PEX1: variants seen among roughly 807,000 people sequenced by gnomAD.
PEX1 encodes the protein peroxisomal ATPase PEX1.
PEX1 carries 97 observed loss-of-function variants against 152.5 expected under a neutral mutation model. That is an observed-to-expected ratio of 0.64 (90% CI 0.54 to 0.75). PEX1 has a LOEUF of 0.75. Among genes scored for constraint, PEX1 ranks in the 30% least tolerant of loss-of-function variants. PEX1 has a pLI of 0.00. For missense variants in PEX1, 1,357 were observed against 1,516.3 expected (o/e 0.89, Z 1.74); for synonymous variants, 485 against 531.6 (o/e 0.91, Z 1.21).
rs200950057 is a variant in PEX1 at position 92,522,216 on chromosome 7, G to A, written c.159C>T (p.His53=). ...CCACCCAGCTCAAGAATGCAGGCTG[G>A]TGACTCCAGACCACTTCTATAGCTT... ...QNQAIEVVWS[H]QPAFLSWVEG... Residue 53 remains histidine, a synonymous_variant, in exon 2 of 24, where the codon CAC becomes CAT. Coordinates refer to ENST00000248633, the MANE Select transcript of PEX1 (RefSeq NM_000466.3). The A allele has an allele frequency of 2.5e-5, 40 of 1,614,060 alleles. No individual in the cohort carries two copies. In the African/African-American group the frequency reaches 4.5e-4, roughly 18 times the overall value.
chr7:92,491,559 A>G, intron 20 of PEX1, 57 bp from the exon 21 acceptor site: 1 of 1,015,690 alleles, frequency 9.8e-7, no homozygotes, highest in South Asian at 1.3e-5. Context: ...AGTCTCAGAA[A>G]TAAATAATAA....
At chr7:92,511,365 T>C (rs1278055493) in intron 7 of PEX1, among the ~76,000 whole-genome samples, 1 of 152,206 alleles carries the variant, frequency 6.6e-6, no homozygotes, top group African/African-American at 2.4e-5. Flanking sequence ...CCTCAAGTGA[T>C]CCGCCTGCCT....
Position 92,494,470 on chromosome 7 carries a change from GTATT to G in PEX1, c.2926+13_2926+16del. 1 of 1,612,482 alleles carries G rather than the reference GTATT, an allele frequency of 6.2e-7. No homozygotes were observed. Among genetic ancestry groups the G allele is most frequent in the Non-Finnish European group, 8.5e-7 (1 of 1,178,632 alleles). On this transcript the variant is annotated intron_variant, in intron 18 of 23. Transcript: ENST00000248633. ...CATTTTGTTATAACATTCTATTTCT[GTATT>G]TATAATTATTACCCTGTAAGCCTTC... is the stretch of plus-strand genomic sequence containing the variant.
rs1790958930 is a variant in PEX1, at chr7:92,487,059, TGAA to T, written c.*395_*397del. 6.5e-6 allele frequency: 1 copy of T among 154,696 alleles called. No individual in the cohort carries two copies. The highest frequency in any genetic ancestry group is 2.4e-5 in the African/African-American group (1 of 41,516). The allele number at this position is 154,696 out of a possible 1,614,324, so 9.6% of individuals were successfully genotyped here. On this transcript the variant is annotated 3_prime_UTR_variant, in exon 24 of 24. Transcript: ENST00000248633. ...AATAGGATATTTTATTTCAAAACAGTGAAGAAGCTGCTAAGCATAAAATTTGTC... is the reference window on the plus strand; with the variant it reads ...AATAGGATATTTTATTTCAAAACAGTGAAGCTGCTAAGCATAAAATTTGTC...
chr7:92,500,580 AT>A (rs1386429440), intron 15 of PEX1, among the ~76,000 whole-genome samples: 1 of 152,218 alleles, frequency 6.6e-6, no homozygotes, highest in African/African-American at 2.4e-5. Context: ...TAGTACTTCC[AT>A]ACCCATGTTC....
intron 9 of PEX1, 163 bp from the exon 10 acceptor site, chr7:92,507,289 A>G (rs1792242525): frequency 1.7e-6 from 1 of 603,548 alleles, no homozygotes; most frequent in Non-Finnish European, 2.8e-6. Context: ...TCCAGGCTGG[A>G]GCGCAGTGGT....
Position 92,517,559 on chromosome 7 carries a change from T to C in PEX1, c.956A>G (p.Gln319Arg). 1 of 1,614,130 alleles carries C rather than the reference T, an allele frequency of 6.2e-7. No individual in the cohort carries two copies. The highest frequency in any genetic ancestry group is 8.5e-7 in the Non-Finnish European group (1 of 1,180,004). Residue 319 changes from glutamine (Q) to arginine (R), a missense_variant, in exon 5 of 24, where the codon CAG (glutamine) becomes CGG (arginine). By Grantham distance (43) the Gln-to-Arg change is conservative (BLOSUM62 1). Coordinates refer to ENST00000248633, the MANE Select transcript of PEX1 (RefSeq NM_000466.3). ...HCAIHVFPWD[Q>R]EYFDVEPSFT... is the part of the protein sequence containing the mutation. ...GCTGGGCTCTACATCAAAATATTCC[T>C]GGTCCCATGGAAATACATGAATGGC... is the stretch of plus-strand genomic sequence containing the variant.
chr7:92,491,369 G>A lies in PEX1; in HGVS notation c.3341C>T (p.Ser1114Phe), dbSNP rs1791303972. ...LDQSLVSLEMSEILPDESKFN... is the reference protein window; with the variant it reads ...LDQSLVSLEMFEILPDESKFN... ...TTTTGATTCATCTGGAAGGATCTCGGACATCTCTAAAGAAACAAGGGACTG... is the reference window on the plus strand; with the variant it reads ...TTTTGATTCATCTGGAAGGATCTCGAACATCTCTAAAGAAACAAGGGACTG... Residue 1114 changes from serine to phenylalanine, a missense_variant, in exon 21 of 24, where the codon TCC becomes TTC. Transcript: ENST00000248633. 6.2e-7 allele frequency: 1 copy of A among 1,613,650 alleles called. No individual in the cohort carries two copies. The highest frequency in any genetic ancestry group is 1.7e-5 in the Admixed American group (1 of 59,984).
chr7:92,524,565 C>G (rs954970735), intron 1 of PEX1, among the ~76,000 whole-genome samples: 1 of 152,178 alleles, frequency 6.6e-6, no homozygotes, highest in Non-Finnish European at 1.5e-5. Context: ...CCATAGCCAG[C>G]TTATGTTTCT....
intron 21 of PEX1, 30 bp downstream of exon 21, chr7:92,491,242 G>T: frequency 7.2e-7 from 1 of 1,381,116 alleles, no homozygotes. Flanking sequence ...TTATATTTCA[G>T]AACTGTATAA....
rs1257924080 is a variant in PEX1, at chr7:92,487,401, A to C, written c.*56T>G. On this transcript the variant is annotated 3_prime_UTR_variant, in exon 24 of 24. Transcript: ENST00000248633. ...TAGACACCATTTTTTTCCTGTTACA[A>C]CATATGGAAAAGCCATCAAAAAACT... The C allele has an allele frequency of 4.5e-6, 4 of 898,260 alleles. No individual in the cohort carries two copies. Among genetic ancestry groups the C allele is most frequent in the Admixed American group, 2.0e-5 (1 of 48,940 alleles). 55.6% of individuals were successfully genotyped at this position (898,260 alleles called of 1,614,324 possible).
chr7:92,527,926 C>A (rs545111189), intron 1 of PEX1, among the ~76,000 whole-genome samples: 1 of 152,258 alleles, frequency 6.6e-6, no homozygotes, highest in African/African-American at 2.4e-5. Flanking sequence ...GTCCCGCTCT[C>A]GCGGCCCGGA....
chr7:92,521,770 A>G (rs1477487650), intron 2 of PEX1, among the ~76,000 whole-genome samples: 1 of 152,220 alleles, frequency 6.6e-6, no homozygotes, highest in East Asian at 1.9e-4. Context: ...GAGACCATGG[A>G]AGGTTATAAA....
intron 21 of PEX1, 134 bp from the exon 22 acceptor site, chr7:92,490,045 T>G: frequency 1.3e-6 from 1 of 747,508 alleles, no homozygotes; most frequent in Non-Finnish European, 2.3e-6. Flanking sequence ...GTTAATTAAC[T>G]GAAATTAAGC....
At position 92,487,446 on chromosome 7, in the gene PEX1, A is replaced by C; in HGVS notation, c.*11T>G. The C allele has an allele frequency of 6.9e-7, 1 of 1,456,876 alleles. No homozygotes were observed. Among genetic ancestry groups the C allele is most frequent in the Non-Finnish European group, 9.6e-7 (1 of 1,044,686 alleles). 90.2% of individuals were successfully genotyped at this position (1,456,876 alleles called of 1,614,324 possible). On this transcript the variant is annotated 3_prime_UTR_variant, in exon 24 of 24. Coordinates refer to ENST00000248633, the MANE Select transcript of PEX1 (RefSeq NM_000466.3). ...AAAACTTAACAGAACCAAATCAAAA[A>C]GAAGTATATTTTATGCTAAAGTTAC...
intron 7 of PEX1, 48 bp downstream of exon 7, chr7:92,511,532 T>C (rs776370522): frequency 6.9e-6 from 10 of 1,449,140 alleles, no homozygotes; most frequent in Non-Finnish European, 6.7e-6. Context: ...ATTAAAAATG[T>C]ACAACTATTT....
In PEX1 at chr7:92,505,305, C is replaced by T. The variant is rs558826924; in HGVS notation, c.1901-403G>A. 6.0e-5 allele frequency among the ~76,000 whole-genome samples: 9 copies of T among 151,048 alleles called. No individual in the cohort carries two copies. The East Asian group carries it at 7.8e-4, about 13-fold the overall frequency. On this transcript the variant is annotated intron_variant, in intron 11 of 23. Transcript: ENST00000248633. ...GCATGCACCTGTAGTCCCAATTACT[C>T]GGGAGGTTGAGGCACGAGAATTGCT...
At chr7:92,493,254 G>A in intron 19 of PEX1, 125 bp from the exon 20 acceptor site, 1 of 577,712 alleles carries the variant, frequency 1.7e-6, no homozygotes, top group South Asian at 2.8e-5. Flanking sequence ...TAAGTAAGTT[G>A]AGAAATGTAC....
chr7:92,498,766 A>C (rs534271637), intron 16 of PEX1, among the ~76,000 whole-genome samples: 1 of 152,196 alleles, frequency 6.6e-6, no homozygotes, highest in African/African-American at 2.4e-5. Context: ...ACTTAGACCT[A>C]GTCTCACTTT....
Sources: gnomAD v4.1 joint callset for allele counts (sites outside exome capture counted in the v4.1 genomes callset) on GRCh38, gnomAD v4.1.1 for gene constraint, MANE v1.5 for transcripts, NCBI Gene and HGNC (gene_info 2026-07-23, HGNC 2026-07-21) for gene names.